FBXO33: variants seen among roughly 807,000 people sequenced by gnomAD.
FBXO33 encodes F-box protein 33, also known as F-box only protein 33.
Under a neutral mutation model 46.3 loss-of-function variants are expected in FBXO33, and 22 were observed. The ratio of observed to expected loss-of-function variants is 0.48; its 90% confidence interval spans 0.34 to 0.68. The LOEUF (loss-of-function observed/expected upper bound fraction) is 0.68, where lower values mean the gene tolerates loss of function less well. Ranked by LOEUF, FBXO33 falls within the 30% of genes least tolerant of loss-of-function variation. FBXO33 has a pLI of 0.01. For missense variants in FBXO33, 692 were observed against 708.8 expected (o/e 0.98, Z 0.27); for synonymous variants, 337 against 291.3 (o/e 1.16, Z -1.60).
chr14:39,411,901 T>C lies in FBXO33; in HGVS notation c.600-9390A>G, dbSNP rs77484495. The stretch of plus-strand genomic sequence containing the variant: ...TTCCTTTTATTGATTTCCAGTTTTA[T>C]ATTATTGTGGTCAGAAAAGATATCT... On this transcript the variant is annotated intron_variant, in intron 1 of 3. Transcript: ENST00000298097. Among the ~76,000 whole-genome samples, 219 of 152,332 alleles carry C rather than the reference T, an allele frequency of 1.4e-3. 1 individual carries two copies. Among genetic ancestry groups the C allele is most frequent in the African/African-American group, 5.0e-3 (207 of 41,576 alleles).
rs1287514134 is a variant in FBXO33, at chr14:39,431,241, T to A, written c.599+323A>T. Among the ~76,000 whole-genome samples, 8 of 152,248 alleles carry A rather than the reference T, an allele frequency of 5.3e-5. No individual in the cohort carries two copies. The East Asian group carries it at 1.5e-3, about 29-fold the overall frequency. ...CCCACAGGCCTCACCCTCCCAGTCT[T>A]AACGCTCCCATATATAAAATGAAAA... On this transcript the variant is annotated intron_variant, in intron 1 of 3. Transcript: ENST00000298097.
chr14:39,424,681 T>C (rs1375804809), intron 1 of FBXO33, among the ~76,000 whole-genome samples: 1 of 152,172 alleles, frequency 6.6e-6, no homozygotes, highest in Non-Finnish European at 1.5e-5. Flanking sequence ...AACCGCAAAA[T>C]GCAGCTACCT....
intron 1 of FBXO33, among the ~76,000 whole-genome samples, chr14:39,415,018 C>T (rs531282296): frequency 4.1e-4 from 63 of 152,158 alleles, no homozygotes; most frequent in African/African-American, 1.4e-3. Flanking sequence ...AGGGCTGGTC[C>T]GTAGTCAGAA....
In FBXO33 at chr14:39,401,684, A is replaced by C. The variant is rs772786157; in HGVS notation, c.888T>G (p.Leu296=). Residue 296 remains leucine, a synonymous_variant, in exon 3 of 4, where the codon CTT becomes CTG. Coordinates refer to ENST00000298097, the MANE Select transcript of FBXO33 (RefSeq NM_203301.4). The stretch of plus-strand genomic sequence containing the variant: ...ATCGCTCCAGTTCAACTGCAGTAAT[A>C]AGAGTGCTGTTACCAGGAATATTAT... ...LDNNIPGNST[L]ITAVELERFV... 6.2e-7 allele frequency: 1 copy of C among 1,614,084 alleles called. No homozygotes were observed. The highest frequency in any genetic ancestry group is 8.5e-7 in the Non-Finnish European group (1 of 1,180,044).
chr14:39,407,965 C>T (rs915871167), intron 1 of FBXO33, among the ~76,000 whole-genome samples: 6 of 152,296 alleles, frequency 3.9e-5, no homozygotes, highest in Admixed American at 2.0e-4. Flanking sequence ...TATTTAGAGA[C>T]GGTCTCACTC....
At chr14:39,431,234 C>A (rs1369042810) in intron 1 of FBXO33, among the ~76,000 whole-genome samples, 1 of 152,140 alleles carries the variant, frequency 6.6e-6, no homozygotes, top group Non-Finnish European at 1.5e-5. Context: ...CCTCACCCTC[C>A]CAGTCTTAAC....
At chr14:39,420,265 G>A (rs187755320) in intron 1 of FBXO33, among the ~76,000 whole-genome samples, 59 of 152,236 alleles carry the variant, frequency 3.9e-4, no homozygotes, top group African/African-American at 1.3e-3. Context: ...ATGATACCAA[G>A]GAATTACTGA....
intron 1 of FBXO33, among the ~76,000 whole-genome samples, chr14:39,419,675 G>A (rs2075470792): frequency 6.6e-6 from 1 of 152,146 alleles, no homozygotes; most frequent in Non-Finnish European, 1.5e-5. Context: ...ATTTATTGTT[G>A]AATAGCAAGT....
rs2075351087 is a variant in FBXO33, at chr14:39,398,046, T to C, written c.*1470A>G. The C allele has an allele frequency of 2.0e-5, 3 of 152,666 alleles. No individual in the cohort carries two copies. Among genetic ancestry groups the C allele is most frequent in the South Asian group, 4.1e-4 (2 of 4,830 alleles). 9.5% of individuals were successfully genotyped at this position (152,666 alleles called of 1,614,324 possible). A position where few individuals can be genotyped will look rare whatever the true frequency, so the allele number is the denominator to read the frequency against. On this transcript the variant is annotated 3_prime_UTR_variant, in exon 4 of 4. Transcript: ENST00000298097. ...TTTTAATATAAGATGGTAAAACCAT[T>C]TGTAAAACACATATAAACTTTTTTC...
rs570232632 is a variant in FBXO33, at chr14:39,418,230, A to AT, written c.599+13333dup. 1.1e-3 allele frequency among the ~76,000 whole-genome samples: 159 copies of AT among 150,620 alleles called. 3 individuals are homozygous for AT. The highest frequency in any genetic ancestry group is 0.01 in the South Asian group (48 of 4,706). On this transcript the variant is annotated intron_variant, in intron 1 of 3. Transcript: ENST00000298097. ...AGGTGCCTGCCACCACACCCGGCTA[A>AT]TTTTTTGTGTTTTTAGTAGAGATGG...
At position 39,424,886 on chromosome 14, in the gene FBXO33, C is replaced by G. The variant is rs186735788; in HGVS notation, c.599+6678G>C. On this transcript the variant is annotated intron_variant, in intron 1 of 3. Coordinates refer to ENST00000298097, the MANE Select transcript of FBXO33 (RefSeq NM_203301.4). ...TGGCCAATATGGTGAAACCCCGTCTCTACTAAAAATACAAAAATTAGCTGG... is the reference window on the plus strand; with the variant it reads ...TGGCCAATATGGTGAAACCCCGTCTGTACTAAAAATACAAAAATTAGCTGG... Among the ~76,000 whole-genome samples, 253 of 152,168 alleles carry G rather than the reference C, an allele frequency of 1.7e-3. 1 individual carries two copies. The highest frequency in any genetic ancestry group is 5.4e-3 in the African/African-American group (224 of 41,516).
At chr14:39,412,058 T>C (rs1003379262) in intron 1 of FBXO33, among the ~76,000 whole-genome samples, 3 of 152,218 alleles carry the variant, frequency 2.0e-5, no homozygotes, top group African/African-American at 4.8e-5. Flanking sequence ...ATGTTCTGTA[T>C]ATGTCTGTTA....
At chr14:39,413,606 T>A (rs1418251621) in intron 1 of FBXO33, among the ~76,000 whole-genome samples, 1 of 152,198 alleles carries the variant, frequency 6.6e-6, no homozygotes, top group Non-Finnish European at 1.5e-5. Flanking sequence ...ATGGCAGCTA[T>A]AATCTTGTAA....
At chr14:39,404,509 G>A (rs1723396119) in intron 1 of FBXO33, among the ~76,000 whole-genome samples, 1 of 152,060 alleles carries the variant, frequency 6.6e-6, no homozygotes, top group Admixed American at 6.5e-5. Flanking sequence ...TGTATTTTTA[G>A]TAGAGATGGG....
intron 1 of FBXO33, among the ~76,000 whole-genome samples, chr14:39,429,773 G>A (rs1269467823): frequency 6.6e-6 from 1 of 152,180 alleles, no homozygotes. Flanking sequence ...AGTGATAGCT[G>A]ACCCAGAAGG....
intron 1 of FBXO33, among the ~76,000 whole-genome samples, chr14:39,406,300 A>T (rs1010810808): frequency 3.3e-5 from 5 of 152,220 alleles, no homozygotes; most frequent in Non-Finnish European, 5.9e-5. Context: ...GGACAGTCAT[A>T]CAGTCTCAGT....
chr14:39,428,780 A>G (rs1284966881), intron 1 of FBXO33, among the ~76,000 whole-genome samples: 2 of 152,226 alleles, frequency 1.3e-5, no homozygotes, highest in African/African-American at 2.4e-5. Flanking sequence ...AAATGCATTT[A>G]TATCTATTTG....
rs751828118 is a variant in FBXO33, at chr14:39,401,679, GTAAT to G, written c.889_892del (p.Ile297LeufsTer9). Reference sequence around the variant, plus strand: ...CACAAATCGCTCCAGTTCAACTGCAGTAATAAGAGTGCTGTTACCAGGAATATTA... The same window carrying G: ...CACAAATCGCTCCAGTTCAACTGCAGAAGAGTGCTGTTACCAGGAATATTA... On this transcript the variant is annotated frameshift_variant, in exon 3 of 4. Coordinates refer to ENST00000298097, the MANE Select transcript of FBXO33 (RefSeq NM_203301.4). LOFTEE classifies it high-confidence loss of function. 6.2e-7 allele frequency: 1 copy of G among 1,614,116 alleles called. No individual in the cohort carries two copies. The highest frequency in any genetic ancestry group is 8.5e-7 in the Non-Finnish European group (1 of 1,180,050).
intron 1 of FBXO33, among the ~76,000 whole-genome samples, chr14:39,424,667 G>A (rs967667250): frequency 2.0e-5 from 3 of 152,106 alleles, no homozygotes; most frequent in African/African-American, 7.2e-5. Context: ...TAGAACCAGT[G>A]GAAAACCGCA....
Sources: allele counts gnomAD v4.1 joint callset (sites outside exome capture counted in the v4.1 genomes callset), GRCh38; gene constraint gnomAD v4.1.1; transcripts MANE v1.5; gene names NCBI Gene and HGNC (gene_info 2026-07-23, HGNC 2026-07-21).